MACROD2: variants seen among roughly 807,000 people sequenced by gnomAD.
The protein encoded by MACROD2 is mono-ADP ribosylhydrolase 2.
MACROD2 carries 36 observed loss-of-function variants against 70.4 expected under a neutral mutation model. The observed-to-expected ratio is 0.51, with a 90% CI of 0.39 to 0.68. The LOEUF (loss-of-function observed/expected upper bound fraction) is 0.68, where lower values mean the gene tolerates loss of function less well. MACROD2 is among the 30% of genes least tolerant of loss of function. MACROD2 has a pLI of 0.00. For missense variants in MACROD2, 496 were observed against 538.4 expected, an observed-to-expected ratio of 0.92 and a Z score of 0.78; for synonymous variants, 172 against 178.8, an observed-to-expected ratio of 0.96 and a Z score of 0.30.
chr20:14,864,974 C>G (rs1183639788), intron 5 of MACROD2, among the ~76,000 whole-genome samples: 9 of 151,980 alleles, frequency 5.9e-5, no homozygotes, highest in Admixed American at 4.6e-4. Context: ...TAGGAGCTTC[C>G]AAGCTTGACA....
At chr20:14,546,149 A>G (rs2085489721) in intron 4 of MACROD2, among the ~76,000 whole-genome samples, 1 of 152,234 alleles carries the variant, frequency 6.6e-6, no homozygotes, top group Admixed American at 6.5e-5. Flanking sequence ...GATGCTATCC[A>G]TCCACATTGT....
intron 3 of MACROD2, among the ~76,000 whole-genome samples, chr20:14,168,901 A>G (rs912871575): frequency 1.3e-5 from 2 of 152,208 alleles, no homozygotes; most frequent in African/African-American, 4.8e-5. Context: ...ACATAACAAA[A>G]AAAGGAAAAC....
intron 8 of MACROD2, among the ~76,000 whole-genome samples, chr20:15,620,946 A>G (rs1355098993): frequency 6.6e-6 from 1 of 152,110 alleles, no homozygotes; most frequent in African/African-American, 2.4e-5. Context: ...TATGGTTGGT[A>G]TTGGTTTGAC....
At chr20:16,020,001 G>A (rs1454791000) in intron 15 of MACROD2, among the ~76,000 whole-genome samples, 1 of 152,098 alleles carries the variant, frequency 6.6e-6, no homozygotes, top group East Asian at 1.9e-4. Context: ...AGGAAGAAAG[G>A]GCTCACCTCC....
At chr20:15,807,971 A>G (rs58792672) in intron 8 of MACROD2, among the ~76,000 whole-genome samples, 19,829 of 151,924 alleles carry the variant, frequency 0.13, 2,794 homozygotes, top group East Asian at 0.41. Context: ...TGACCTAATC[A>G]GTTATTTGCA....
At chr20:16,024,052 C>T (rs1355993671) in intron 15 of MACROD2, among the ~76,000 whole-genome samples, 9 of 152,172 alleles carry the variant, frequency 5.9e-5, no homozygotes, top group African/African-American at 1.9e-4. Flanking sequence ...CAGGCATCAA[C>T]AATAGCTGCT....
At chr20:14,588,858 GAT>G (rs1406334933) in intron 4 of MACROD2, among the ~76,000 whole-genome samples, 4 of 152,178 alleles carry the variant, frequency 2.6e-5, no homozygotes, top group Non-Finnish European at 4.4e-5. Flanking sequence ...CACAGCTTTT[GAT>G]ATGTTTCTTG....
At position 15,869,210 on chromosome 20, in the gene MACROD2, CATATATAT is replaced by C. The variant is rs778142501; in HGVS notation, c.727+6406_727+6413del. On this transcript the variant is annotated intron_variant, in intron 9 of 17. Transcript: ENST00000684519. ...GTCAACTTTACTTAAATGTGATTAA[CATATATAT>C]ATATATATATATATATATATAGAGA... Among the ~76,000 whole-genome samples the C allele has an allele frequency of 6.0e-3, 310 of 51,890 alleles. 3 individuals are homozygous for C. Among genetic ancestry groups the C allele is most frequent in the African/African-American group, 0.016 (268 of 16,800 alleles). The allele number at this position is 51,890 out of a possible 152,430, so 34.0% of individuals were successfully genotyped here. A position where few individuals can be genotyped will look rare whatever the true frequency, so the allele number is the denominator to read the frequency against.
chr20:14,325,329 A>C, intron 3 of MACROD2: 1 of 395,802 alleles, frequency 2.5e-6, no homozygotes, highest in Non-Finnish European at 4.4e-6. Flanking sequence ...AAAAATACTA[A>C]AATATAGAAT....
At chr20:15,249,365 T>C (rs1361822838) in intron 6 of MACROD2, among the ~76,000 whole-genome samples, 1 of 152,202 alleles carries the variant, frequency 6.6e-6, no homozygotes, top group African/African-American at 2.4e-5. Flanking sequence ...ACCACTGCAC[T>C]GGTCTCCTTG....
At chr20:15,515,364 C>A (rs547634146) in intron 8 of MACROD2, among the ~76,000 whole-genome samples, 1 of 152,200 alleles carries the variant, frequency 6.6e-6, no homozygotes, top group Non-Finnish European at 1.5e-5. Context: ...AATTTCTCAG[C>A]GATCAGTGCT....
At chr20:15,369,665 C>T (rs542866525) in intron 6 of MACROD2, among the ~76,000 whole-genome samples, 27 of 152,170 alleles carry the variant, frequency 1.8e-4, no homozygotes, top group African/African-American at 5.8e-4. Flanking sequence ...AAGTGTCTAA[C>T]GTGGAAAGTG....
At chr20:15,713,650 C>T (rs1035175990) in intron 8 of MACROD2, among the ~76,000 whole-genome samples, 2 of 152,026 alleles carry the variant, frequency 1.3e-5, no homozygotes, top group Admixed American at 6.5e-5. Flanking sequence ...CACTAGAAAC[C>T]ACCTCCTTGA....
intron 6 of MACROD2, among the ~76,000 whole-genome samples, chr20:15,302,984 A>T (rs2077661439): frequency 6.6e-6 from 1 of 152,216 alleles, no homozygotes; most frequent in Non-Finnish European, 1.5e-5. Context: ...TATGAAGATT[A>T]AATAAAATAT....
chr20:14,731,758 T>A (rs2071600766), intron 5 of MACROD2, among the ~76,000 whole-genome samples: 1 of 152,116 alleles, frequency 6.6e-6, no homozygotes, highest in Non-Finnish European at 1.5e-5. Context: ...CTCTCTTAAA[T>A]GCATGGTGTT....
At chr20:14,307,098 A>C (rs2082527650) in intron 3 of MACROD2, among the ~76,000 whole-genome samples, 1 of 152,052 alleles carries the variant, frequency 6.6e-6, no homozygotes, top group African/African-American at 2.4e-5. Flanking sequence ...AGGGAGGTAA[A>C]GTACAAGTAT....
chr20:15,009,180 G>T (rs1326266299), intron 5 of MACROD2, among the ~76,000 whole-genome samples: 2 of 152,086 alleles, frequency 1.3e-5, no homozygotes, highest in East Asian at 3.9e-4. Flanking sequence ...TATTTATGAT[G>T]GGTGTCCACC....
chr20:13,995,962 C>G lies in MACROD2; in HGVS notation c.46+153C>G, dbSNP rs1301684464. ...TCCCTCCGGTGTCCGTGTGTACACA[C>G]GCGCACACTCGCGCGCACTCCGGCG... is the stretch of plus-strand genomic sequence containing the variant. On this transcript the variant is annotated intron_variant, in intron 1 of 17. Transcript: ENST00000684519. This position sits in a 1 kb window ranked among gnomAD's most constrained non-coding sequence, Gnocchi z 4.3. Among the ~76,000 whole-genome samples the G allele has an allele frequency of 6.6e-6, 1 of 152,108 alleles. No homozygotes were observed. Among genetic ancestry groups the G allele is most frequent in the Admixed American group, 6.5e-5 (1 of 15,280 alleles).
chr20:15,638,304 T>C (rs1464488185), intron 8 of MACROD2, among the ~76,000 whole-genome samples: 1 of 152,186 alleles, frequency 6.6e-6, no homozygotes, highest in Non-Finnish European at 1.5e-5. Context: ...AAAAAATATC[T>C]CAATAGAAAT....
Sources: gnomAD v4.1 joint callset for allele counts (sites outside exome capture counted in the v4.1 genomes callset) on GRCh38, gnomAD v4.1.1 for gene constraint, Gnocchi (gnomAD v3.1) non-coding constraint, MANE v1.5 for transcripts, NCBI Gene and HGNC (gene_info 2026-07-23, HGNC 2026-07-21) for gene names.